LRP1B: variants seen among roughly 807,000 people sequenced by gnomAD.
The protein encoded by LRP1B is low-density lipoprotein receptor-related protein 1B.
LRP1B carries 217 observed loss-of-function variants against 556.6 expected under a neutral mutation model. That is an observed-to-expected ratio of 0.39 (90% CI 0.35 to 0.44). LRP1B has a LOEUF of 0.44. Among genes scored for constraint, LRP1B ranks in the 20% least tolerant of loss-of-function variants. The pLI is 1.00. For missense variants in LRP1B, 5,053 were observed against 5,620.8 expected (o/e 0.90, Z 3.23); for synonymous variants, 2,047 against 1,865.8 (o/e 1.10, Z -2.50).
At chr2:140,491,741 AT>A (rs2104860135) in intron 57 of LRP1B, among the ~76,000 whole-genome samples, 1 of 152,146 alleles carries the variant, frequency 6.6e-6, no homozygotes, top group Non-Finnish European at 1.5e-5. Flanking sequence ...TTTTGATTAA[AT>A]TTTTGTTAGT....
In LRP1B at chr2:140,851,739, G is replaced by T; in HGVS notation, c.4624C>A (p.His1542Asn). 1 of 1,607,958 alleles carries T rather than the reference G, an allele frequency of 6.2e-7. No individual in the cohort carries two copies. Among genetic ancestry groups the T allele is most frequent in the Non-Finnish European group, 8.5e-7 (1 of 1,178,034 alleles). ...AANDGKGPCS[H>N]MCLINHNRSA... ...CTATTGTGATTGATTAGACACATGTGAGAGCAGGGGCCTTTGCCATCATTA... is the reference window on the plus strand; with the variant it reads ...CTATTGTGATTGATTAGACACATGTTAGAGCAGGGGCCTTTGCCATCATTA... Residue 1542 changes from histidine to asparagine, a missense_variant, in exon 28 of 91, where the codon CAC (histidine) becomes AAC (asparagine). Physicochemically the swap from His to Asn is moderately conservative, Grantham distance 68. This residue lies in a region of LRP1B where 3,619 missense variants were observed against 3,931.9 expected (regional missense o/e 0.92). Coordinates refer to ENST00000389484, the MANE Select transcript of LRP1B (RefSeq NM_018557.3).
chr2:141,794,742 C>A (rs1383232684), intron 2 of LRP1B, among the ~76,000 whole-genome samples: 1 of 151,894 alleles, frequency 6.6e-6, no homozygotes, highest in Non-Finnish European at 1.5e-5. Context: ...TAATTGATGT[C>A]TTATAGTTCC....
chr2:141,708,472 C>A (rs2105473931), intron 2 of LRP1B, among the ~76,000 whole-genome samples: 1 of 152,200 alleles, frequency 6.6e-6, no homozygotes, highest in East Asian at 1.9e-4. Flanking sequence ...GGTGCAAGCA[C>A]ACACATACCG....
At chr2:141,012,478 C>T (rs1697783251) in intron 14 of LRP1B, among the ~76,000 whole-genome samples, 1 of 151,898 alleles carries the variant, frequency 6.6e-6, no homozygotes, top group African/African-American at 2.4e-5. Context: ...AAAATATTAC[C>T]TTTTAATCTA....
chr2:140,538,613 TA>T (rs1680018326), intron 45 of LRP1B, among the ~76,000 whole-genome samples: 1 of 152,120 alleles, frequency 6.6e-6, no homozygotes, highest in African/African-American at 2.4e-5. Flanking sequence ...AGTCATTAGC[TA>T]AGGCAGAATG....
At chr2:141,371,614 G>A (rs1689233772) in intron 3 of LRP1B, among the ~76,000 whole-genome samples, 1 of 151,876 alleles carries the variant, frequency 6.6e-6, no homozygotes, top group African/African-American at 2.4e-5. Flanking sequence ...ATATTACAAG[G>A]TAATTTTTTA....
At chr2:141,489,030 G>C (rs1432563864) in intron 2 of LRP1B, among the ~76,000 whole-genome samples, 1 of 149,624 alleles carries the variant, frequency 6.7e-6, no homozygotes, top group Non-Finnish European at 1.5e-5. Flanking sequence ...AGGCTGGAGT[G>C]CAGTGGCATG....
intron 2 of LRP1B, among the ~76,000 whole-genome samples, chr2:141,656,142 A>G (rs1290840085): frequency 6.6e-6 from 1 of 152,196 alleles, no homozygotes; most frequent in Non-Finnish European, 1.5e-5. Flanking sequence ...AACTGAAGTC[A>G]GGCATTCTAA....
At chr2:140,648,420 T>G (rs1271935835) in intron 41 of LRP1B, among the ~76,000 whole-genome samples, 2 of 151,880 alleles carry the variant, frequency 1.3e-5, no homozygotes, top group Non-Finnish European at 2.9e-5. Context: ...ACATGTACCC[T>G]AGAACTTAAA....
chr2:140,922,965 C>T lies in LRP1B; in HGVS notation c.3319G>A (p.Gly1107Arg), dbSNP rs2105258139. ...HKTKFSCWST[G>R]RCINKAWVCD... Reference sequence around the variant, plus strand: ...GAAGCCAAAAGCAATGTTCACTTACCTGTACTCCAACAGGAAAACTTGGTT... The same window carrying T: ...GAAGCCAAAAGCAATGTTCACTTACTTGTACTCCAACAGGAAAACTTGGTT... Residue 1107 changes from glycine (G) to arginine (R), a missense_variant and splice_region_variant, in exon 21 of 91, where the codon GGG (glycine) becomes AGG (arginine). By Grantham distance (125) the Gly-to-Arg change is moderately radical. This residue lies in a region of LRP1B where 3,619 missense variants were observed against 3,931.9 expected (regional missense o/e 0.92). Transcript: ENST00000389484. The T allele has an allele frequency of 1.2e-6, 2 of 1,611,616 alleles. No individual in the cohort carries two copies. Among genetic ancestry groups the T allele is most frequent in the Non-Finnish European group, 1.7e-6 (2 of 1,178,540 alleles).
chr2:141,281,899 C>T (rs777860038), intron 3 of LRP1B, among the ~76,000 whole-genome samples: 2 of 151,774 alleles, frequency 1.3e-5, no homozygotes, highest in Non-Finnish European at 2.9e-5. Context: ...GTTTCTAAAC[C>T]GTAAAGTGAT....
intron 35 of LRP1B, among the ~76,000 whole-genome samples, chr2:140,768,011 T>C (rs1460697935): frequency 6.6e-6 from 1 of 151,922 alleles, no homozygotes; most frequent in Non-Finnish European, 1.5e-5. Context: ...CCACCAATAA[T>C]GAGATTTGAT....
intron 41 of LRP1B, among the ~76,000 whole-genome samples, chr2:140,630,748 A>G (rs956552013): frequency 6.6e-6 from 1 of 152,208 alleles, no homozygotes; most frequent in Non-Finnish European, 1.5e-5. Flanking sequence ...CTCAATTACA[A>G]AGAACTTACT....
rs565869664 is a variant in LRP1B, at chr2:141,205,131, T to A, written c.851-16548A>T. 2.6e-5 allele frequency among the ~76,000 whole-genome samples: 4 copies of A among 152,256 alleles called. No homozygotes were observed. In the South Asian group the frequency reaches 8.3e-4, roughly 32 times the overall value. On this transcript the variant is annotated intron_variant, in intron 6 of 90. Coordinates refer to ENST00000389484, the MANE Select transcript of LRP1B (RefSeq NM_018557.3). The stretch of plus-strand genomic sequence containing the variant: ...AATATCAATATTATTAAAGTAATGT[T>A]TCTTGTAAAAGTTCCAACACAAAGC...
At chr2:140,746,898 C>A (rs1381432991) in intron 35 of LRP1B, among the ~76,000 whole-genome samples, 2 of 151,874 alleles carry the variant, frequency 1.3e-5, no homozygotes, top group Non-Finnish European at 2.9e-5. Context: ...CAAATGCGTA[C>A]TACTTCCTTT....
At chr2:141,066,813 T>TA (rs1303452027) in intron 7 of LRP1B, among the ~76,000 whole-genome samples, 7 of 151,902 alleles carry the variant, frequency 4.6e-5, no homozygotes, top group South Asian at 2.1e-4. Context: ...GAAGTGAAGT[T>TA]AAAAAAACAA....
intron 21 of LRP1B, among the ~76,000 whole-genome samples, chr2:140,917,892 G>T (rs1260985708): frequency 3.3e-5 from 5 of 152,194 alleles, no homozygotes; most frequent in Non-Finnish European, 1.5e-5. Context: ...TATAACAAAT[G>T]TACCACTTTG....
At chr2:141,819,737 A>AGGAT (rs1368102119) in intron 1 of LRP1B, among the ~76,000 whole-genome samples, 1 of 152,206 alleles carries the variant, frequency 6.6e-6, no homozygotes, top group Non-Finnish European at 1.5e-5. Context: ...AGTAAGAAGG[A>AGGAT]GGATATTGGA....
intron 41 of LRP1B, among the ~76,000 whole-genome samples, chr2:140,635,324 C>G (rs1684033919): frequency 6.6e-6 from 1 of 151,552 alleles, no homozygotes; most frequent in Non-Finnish European, 1.5e-5. Flanking sequence ...TTTATTATAG[C>G]CAAAAAGGAT....
Sources: allele counts gnomAD v4.1 joint callset (sites outside exome capture counted in the v4.1 genomes callset), GRCh38; gene constraint gnomAD v4.1.1; regional missense constraint gnomAD v4.1.1; transcripts MANE v1.5; gene names NCBI Gene and HGNC (gene_info 2026-07-23, HGNC 2026-07-21).